Variants in PLD5 observed in about 807,000 individuals in gnomAD.
The protein encoded by PLD5 is phospholipase D family member 5.
A neutral mutation model predicts 61.1 loss-of-function variants in PLD5; 36 were observed. The ratio of observed to expected loss-of-function variants is 0.59; its 90% confidence interval spans 0.45 to 0.78. The LOEUF (loss-of-function observed/expected upper bound fraction) is 0.78, where lower values mean the gene tolerates loss of function less well. Among genes scored for constraint, PLD5 ranks in the 30% least tolerant of loss-of-function variants. PLD5 has a pLI of 0.00. For synonymous variants in PLD5, 243 were observed against 242.8 expected, an observed-to-expected ratio of 1.00 and a Z score of -0.01; for missense variants, 515 against 644.4, an observed-to-expected ratio of 0.80 and a Z score of 2.17.
At chr1:242,119,027 C>T (rs992111205) in intron 6 of PLD5, among the ~76,000 whole-genome samples, 1 of 152,112 alleles carries the variant, frequency 6.6e-6, no homozygotes, top group Non-Finnish European at 1.5e-5. Context: ...TTCTTTGTTC[C>T]ATAGTAAAGT....
intron 5 of PLD5, among the ~76,000 whole-genome samples, chr1:242,185,052 T>C (rs940820573): frequency 6.6e-6 from 1 of 152,176 alleles, no homozygotes; most frequent in Non-Finnish European, 1.5e-5. Context: ...CATAAAACAA[T>C]GCCGGAAGAC....
chr1:242,427,842 T>C (rs952453947), intron 1 of PLD5, among the ~76,000 whole-genome samples: 1 of 152,140 alleles, frequency 6.6e-6, no homozygotes, highest in African/African-American at 2.4e-5. Context: ...CCCATTCTTT[T>C]CCCCCATTTT....
chr1:242,163,434 C>T (rs1666040236), intron 5 of PLD5, among the ~76,000 whole-genome samples: 2 of 151,986 alleles, frequency 1.3e-5, no homozygotes, highest in Admixed American at 1.3e-4. Context: ...TGAGCCACTG[C>T]ACCCAGCTTC....
rs1558344234 is a variant in PLD5, at chr1:242,207,866, A to ATT, written c.735+12120_735+12121dup. ...TTTATATATATTTATATATTTATATATTTATATATATTTATATATTTATAT... is the reference window on the plus strand; with the variant it reads ...TTTATATATATTTATATATTTATATATTTTTATATATATTTATATATTTATAT... On this transcript the variant is annotated intron_variant, in intron 5 of 9. Transcript: ENST00000536534. 2.2e-4 allele frequency among the ~76,000 whole-genome samples: 4 copies of ATT among 18,182 alleles called. No homozygotes were observed. The South Asian group carries it at 6.2e-3, about 28-fold the overall frequency. The allele number at this position is 18,182 out of a possible 152,430, so 11.9% of individuals were successfully genotyped here.
intron 1 of PLD5, among the ~76,000 whole-genome samples, chr1:242,472,634 T>A (rs1437142423): frequency 6.6e-6 from 1 of 152,234 alleles, no homozygotes; most frequent in African/African-American, 2.4e-5. Context: ...TGTAGTCTGT[T>A]AAATGCAGCA....
intron 1 of PLD5, among the ~76,000 whole-genome samples, chr1:242,419,009 T>C (rs1664979963): frequency 6.6e-6 from 1 of 152,184 alleles, no homozygotes; most frequent in Non-Finnish European, 1.5e-5. Flanking sequence ...TCTAAATAAG[T>C]GGGACTTCAC....
At chr1:242,183,539 A>G (rs1199523876) in intron 5 of PLD5, among the ~76,000 whole-genome samples, 2 of 152,168 alleles carry the variant, frequency 1.3e-5, no homozygotes, top group African/African-American at 2.4e-5. Flanking sequence ...GAGGTTCTCA[A>G]ATTTTCTTGG....
intron 2 of PLD5, among the ~76,000 whole-genome samples, chr1:242,321,361 T>C (rs12046702): frequency 0.86 from 129,772 of 151,390 alleles, 56,266 homozygotes; most frequent in East Asian, 0.95. Flanking sequence ...TGGAGTACAA[T>C]GGCATGATCT....
intron 2 of PLD5, among the ~76,000 whole-genome samples, chr1:242,341,141 G>A (rs1487862500): frequency 6.6e-6 from 1 of 151,844 alleles, no homozygotes; most frequent in African/African-American, 2.4e-5. Context: ...AGAGATACCT[G>A]CAATAGTGTC....
At chr1:242,292,419 A>T (rs1181918327) in intron 2 of PLD5, among the ~76,000 whole-genome samples, 2 of 152,204 alleles carry the variant, frequency 1.3e-5, no homozygotes, top group Admixed American at 6.5e-5. Context: ...TAAACCAAAC[A>T]TATGAGGGGA....
intron 1 of PLD5, among the ~76,000 whole-genome samples, chr1:242,461,008 G>A (rs1667100964): frequency 6.6e-6 from 1 of 152,068 alleles, no homozygotes; most frequent in Non-Finnish European, 1.5e-5. Context: ...AGATGTGGTG[G>A]CATGCACCTG....
Position 242,102,664 on chromosome 1 carries a change from G to A in PLD5, c.1240-1882C>T, listed in dbSNP as rs377690800. ...CCATGTGCTTTGTCAGTGCTCCCAG[G>A]CTCCTGGAGACATGCTCTATGCAAG... On this transcript the variant is annotated intron_variant, in intron 8 of 9. Coordinates refer to ENST00000536534, the MANE Select transcript of PLD5 (RefSeq NM_001372062.1). 5.3e-4 allele frequency among the ~76,000 whole-genome samples: 80 copies of A among 152,188 alleles called. 3 individuals are homozygous for A. In the South Asian group the frequency reaches 0.016, roughly 30 times the overall value.
chr1:242,313,735 T>G (rs996820620), intron 2 of PLD5, among the ~76,000 whole-genome samples: 7 of 152,204 alleles, frequency 4.6e-5, no homozygotes, highest in African/African-American at 1.4e-4. Context: ...ACTTTTTGCC[T>G]ATCTTCCATT....
chr1:242,507,954 GC>G (rs1482706816), intron 1 of PLD5, among the ~76,000 whole-genome samples: 2 of 150,726 alleles, frequency 1.3e-5, no homozygotes, highest in African/African-American at 4.9e-5. Flanking sequence ...TATTAAGTTT[GC>G]CTTTTAAGTC....
At chr1:242,447,569 C>A (rs1484421133) in intron 1 of PLD5, among the ~76,000 whole-genome samples, 4 of 152,222 alleles carry the variant, frequency 2.6e-5, no homozygotes, top group Non-Finnish European at 5.9e-5. Context: ...TTAAGAAGAG[C>A]TCACTTAGAA....
At position 242,519,609 on chromosome 1, in the gene PLD5, G is replaced by A. The variant is rs1669215964; in HGVS notation, c.189+4479C>T. ...ATTCCACCAGCACAAGCTGGGAAGA[G>A]AAGCAGAGGTTGGAGAGAGGACAAA... On this transcript the variant is annotated intron_variant, in intron 1 of 9. Transcript: ENST00000536534. 2.6e-5 allele frequency among the ~76,000 whole-genome samples: 4 copies of A among 152,240 alleles called. No homozygotes were observed. In the South Asian group the frequency reaches 8.3e-4, roughly 32 times the overall value.
At chr1:242,149,160 G>C (rs1433879011) in intron 5 of PLD5, among the ~76,000 whole-genome samples, 5 of 151,584 alleles carry the variant, frequency 3.3e-5, no homozygotes, top group Non-Finnish European at 7.4e-5. Context: ...TCTTTATCAG[G>C]TCAACAAAGA....
intron 5 of PLD5, among the ~76,000 whole-genome samples, chr1:242,205,318 T>G (rs1669254321): frequency 6.6e-6 from 1 of 152,166 alleles, no homozygotes; most frequent in South Asian, 2.1e-4. Flanking sequence ...AATAAAATGG[T>G]TTTGGGAGAG....
At chr1:242,145,551 G>C (rs1376974345) in intron 5 of PLD5, among the ~76,000 whole-genome samples, 1 of 152,128 alleles carries the variant, frequency 6.6e-6, no homozygotes, top group African/African-American at 2.4e-5. Context: ...TAATGAAAAG[G>C]ATAGGAGATG....
Sources: gnomAD v4.1 joint callset for allele counts (sites outside exome capture counted in the v4.1 genomes callset) on GRCh38, gnomAD v4.1.1 for gene constraint, MANE v1.5 for transcripts, NCBI Gene and HGNC (gene_info 2026-07-23, HGNC 2026-07-21) for gene names.